Variants in EYS observed in about 807,000 individuals in gnomAD.
EYS encodes protein eyes shut homolog.
A neutral mutation model predicts 282.1 loss-of-function variants in EYS; 250 were observed. That is an observed-to-expected ratio of 0.89 (90% CI 0.80 to 0.98). The LOEUF (loss-of-function observed/expected upper bound fraction) is 0.98. Ranked by LOEUF, EYS falls within the 50% of genes least tolerant of loss-of-function variation. EYS has a pLI of 0.00. For synonymous variants in EYS, 1,355 were observed against 1,282.9 expected, an observed-to-expected ratio of 1.06 and a Z score of -1.20; for missense variants, 4,016 against 3,709.0, an observed-to-expected ratio of 1.08 and a Z score of -2.15.
chr6:64,353,818 T>G (rs1771728644), intron 29 of EYS, among the ~76,000 whole-genome samples: 1 of 151,564 alleles, frequency 6.6e-6, no homozygotes, highest in South Asian at 2.1e-4. Flanking sequence ...GACTGGCAGA[T>G]AGGAAGTTGG....
intron 5 of EYS, chr6:65,489,377 G>T (rs145582077): frequency 6.6e-6 from 1 of 152,270 alleles, no homozygotes; most frequent in East Asian, 1.9e-4. Flanking sequence ...GTGAAAAAAT[G>T]CTCATCATCA....
intron 22 of EYS, among the ~76,000 whole-genome samples, chr6:64,786,942 C>G (rs1774041022): frequency 6.6e-6 from 1 of 152,198 alleles, no homozygotes; most frequent in African/African-American, 2.4e-5. Flanking sequence ...CTGAGTTTCA[C>G]TCTTGGCTTT....
At chr6:65,207,173 G>A (rs1236965828) in intron 12 of EYS, among the ~76,000 whole-genome samples, 1 of 151,652 alleles carries the variant, frequency 6.6e-6, no homozygotes, top group Non-Finnish European at 1.5e-5. Context: ...AGGCAGTAAA[G>A]TTTCAAGATT....
intron 33 of EYS, among the ~76,000 whole-genome samples, chr6:64,056,916 T>C (rs1771005747): frequency 6.6e-6 from 1 of 152,320 alleles, no homozygotes; most frequent in East Asian, 1.9e-4. Context: ...TTTATCTTTG[T>C]AACATTTTGT....
chr6:65,679,882 G>T (rs1018352144), intron 1 of EYS, among the ~76,000 whole-genome samples: 1 of 151,814 alleles, frequency 6.6e-6, no homozygotes, highest in Non-Finnish European at 1.5e-5. Context: ...TTCTCACAAA[G>T]TGTGGTCTGC....
chr6:64,240,530 T>A (rs2150342990), intron 30 of EYS, among the ~76,000 whole-genome samples: 1 of 152,296 alleles, frequency 6.6e-6, no homozygotes, highest in Middle Eastern at 3.4e-3. Context: ...GAATGGGAGT[T>A]CACTCATGAT....
chr6:65,396,592 CT>C lies in EYS; in HGVS notation c.1184+5885del, dbSNP rs200838229. On this transcript the variant is annotated intron_variant, in intron 7 of 42. Transcript: ENST00000503581. ...ACCCTACTTTAATTCAACACCCTAG[CT>C]ATTTCTGACGGGTATATGAGTAAAT... Among the ~76,000 whole-genome samples, 4 of 152,174 alleles carry C rather than the reference CT, an allele frequency of 2.6e-5. No individual in the cohort carries two copies. The East Asian group carries it at 7.8e-4, about 30-fold the overall frequency.
chr6:65,419,943 G>C (rs1169324508), intron 5 of EYS, among the ~76,000 whole-genome samples: 1 of 151,920 alleles, frequency 6.6e-6, no homozygotes, highest in Non-Finnish European at 1.5e-5. Context: ...CATATCTGAG[G>C]AAAACAATGT....
At position 65,541,633 on chromosome 6, in the gene EYS, T is replaced by A. The variant is rs528376499; in HGVS notation, c.-332-45640A>T. ...CTTTATCTGCCTTTCCAAGATTTAA[T>A]CACTAGATGCATAACATTTTTCCCC... On this transcript the variant is annotated intron_variant, in intron 2 of 42. Transcript: ENST00000503581. Among the ~76,000 whole-genome samples the A allele has an allele frequency of 1.8e-4, 27 of 151,478 alleles. No individual in the cohort carries two copies. In the Admixed American group the frequency reaches 1.8e-3, roughly 10 times the overall value.
intron 26 of EYS, among the ~76,000 whole-genome samples, chr6:64,553,548 C>CCT (rs1399419513): frequency 6.4e-5 from 7 of 108,658 alleles, no homozygotes; most frequent in African/African-American, 2.7e-4. Context: ...TTGTTTGACC[C>CCT]CCCCCCCCCC....
chr6:65,532,204 A>AT (rs2127309530), intron 2 of EYS, among the ~76,000 whole-genome samples: 1 of 152,202 alleles, frequency 6.6e-6, no homozygotes, highest in East Asian at 1.9e-4. Context: ...TGCTTAACAA[A>AT]TTTTTTAAAA....
At chr6:64,481,519 C>T (rs184846302) in intron 26 of EYS, among the ~76,000 whole-genome samples, 2 of 132,410 alleles carry the variant, frequency 1.5e-5, no homozygotes, top group East Asian at 5.2e-4. Context: ...TTTGTTTTCT[C>T]ACACACACAC....
At chr6:64,814,258 A>AT in intron 21 of EYS, among the ~76,000 whole-genome samples, 1 of 152,046 alleles carries the variant, frequency 6.6e-6, no homozygotes, top group East Asian at 1.9e-4. Flanking sequence ...GCTTAAAAAT[A>AT]TTTTAAAATT....
chr6:64,349,945 TTTA>T (rs1582637854), intron 29 of EYS, among the ~76,000 whole-genome samples: 1 of 151,650 alleles, frequency 6.6e-6, no homozygotes, highest in African/African-American at 2.4e-5. Context: ...GCTTCAGATT[TTTA>T]TTTCTATTTA....
At chr6:64,442,874 AGAACTTCTGCCACGGC>A (rs1774997299) in intron 26 of EYS, among the ~76,000 whole-genome samples, 7 of 80,310 alleles carry the variant, frequency 8.7e-5, no homozygotes, top group Admixed American at 6.3e-4. Context: ...GTCCTCATGG[AGAACTTCTGCCACGGC>A]AGTGCAGAAG....
intron 31 of EYS, among the ~76,000 whole-genome samples, chr6:64,106,697 G>A (rs1164901630): frequency 6.6e-6 from 1 of 151,776 alleles, no homozygotes; most frequent in East Asian, 1.9e-4. Context: ...TGGGCTTCCT[G>A]GGTTTGCGGT....
chr6:64,029,875 A>G (rs1308960764), intron 33 of EYS, among the ~76,000 whole-genome samples: 3 of 152,258 alleles, frequency 2.0e-5, no homozygotes, highest in African/African-American at 4.8e-5. Context: ...CTAATCCTAC[A>G]TGCCCATGCT....
intron 33 of EYS, among the ~76,000 whole-genome samples, chr6:64,058,508 G>A (rs1477436033): frequency 6.6e-6 from 1 of 152,052 alleles, no homozygotes; most frequent in Non-Finnish European, 1.5e-5. Flanking sequence ...AGAAGTGGAA[G>A]GAAAAATATA....
intron 31 of EYS, among the ~76,000 whole-genome samples, chr6:64,140,101 A>G (rs1046094848): frequency 1.3e-5 from 2 of 152,190 alleles, no homozygotes; most frequent in Non-Finnish European, 2.9e-5. Flanking sequence ...AAGTTGTATA[A>G]TGATAGCAAT....
Sources: gnomAD v4.1 joint callset for allele counts (sites outside exome capture counted in the v4.1 genomes callset) on GRCh38, gnomAD v4.1.1 for gene constraint, MANE v1.5 for transcripts, NCBI Gene and HGNC (gene_info 2026-07-23, HGNC 2026-07-21) for gene names.